STEAP3: variants seen among roughly 807,000 people sequenced by gnomAD.
The protein encoded by STEAP3 is metalloreductase STEAP3.
In STEAP3, 35 loss-of-function variants were observed where a neutral mutation model predicts 34.9. The observed-to-expected ratio is 1.00, with a 90% CI of 0.76 to 1.33. The LOEUF (loss-of-function observed/expected upper bound fraction) is 1.33. STEAP3 is among the 40% of genes most tolerant of loss of function. The pLI, the probability that STEAP3 is intolerant of heterozygous loss-of-function variation, is 0.00. For synonymous variants in STEAP3, 281 were observed against 301.6 expected (o/e 0.93, Z 0.71); for missense variants, 652 against 667.6 (o/e 0.98, Z 0.26).
chr2:119,239,733 C>A (rs548937997), intron 2 of STEAP3, among the ~76,000 whole-genome samples: 150 of 152,298 alleles, frequency 9.8e-4, no homozygotes, highest in Non-Finnish European at 1.0e-4. Flanking sequence ...AAGTCAGTAC[C>A]CTTGTCAGGA....
chr2:119,254,876 GC>G (rs1360117188), intron 5 of STEAP3, 28 bp downstream of exon 5: 1 of 1,607,804 alleles, frequency 6.2e-7, no homozygotes, highest in Non-Finnish European at 8.5e-7. Context: ...CTGCCAGCCA[GC>G]TTCAGCGTGG....
chr2:119,240,842 G>T (rs924587224), intron 2 of STEAP3, among the ~76,000 whole-genome samples: 1 of 152,122 alleles, frequency 6.6e-6, no homozygotes, highest in Non-Finnish European at 1.5e-5. Flanking sequence ...AGGGAGCCAG[G>T]GCCCAGACAG....
At position 119,245,718 on chromosome 2, in the gene STEAP3, G is replaced by C; in HGVS notation, c.252G>C (p.Val84=). The C allele has an allele frequency of 6.2e-7, 1 of 1,614,200 alleles. No individual in the cohort carries two copies. The highest frequency in any genetic ancestry group is 8.5e-7 in the Non-Finnish European group (1 of 1,180,044). ...TARLFPSAAQ[V]TFQEEAVSSP... is the part of the protein sequence containing the mutation. Reference sequence around the variant, plus strand: ...GGCTGTTTCCCTCAGCGGCCCAAGTGACTTTCCAAGAGGAGGCAGTGAGCT... The same window carrying C: ...GGCTGTTTCCCTCAGCGGCCCAAGTCACTTTCCAAGAGGAGGCAGTGAGCT... Residue 84 remains valine, a synonymous_variant, in exon 3 of 6, where the codon GTG becomes GTC. Transcript: ENST00000393110.
In STEAP3 at chr2:119,230,237, C is replaced by A. The variant is rs114472220; in HGVS notation, c.-393-383C>A. 9.6e-3 allele frequency among the ~76,000 whole-genome samples: 1,461 copies of A among 152,296 alleles called. 21 individuals are homozygous for A. Among genetic ancestry groups the A allele is most frequent in the African/African-American group, 0.031 (1,274 of 41,566 alleles). ...AAACCTCCAGCCTCCTTTGGGCTGC[C>A]GGTGTGGCCTCCAAGGTCCACTGAA... On this transcript the variant is annotated intron_variant, in intron 1 of 5. Coordinates refer to ENST00000393110, the MANE Select transcript of STEAP3 (RefSeq NM_182915.3).
At position 119,258,630 on chromosome 2, in the gene STEAP3, C is replaced by T. The variant is rs772717271; in HGVS notation, c.1215+3782C>T. On this transcript the variant is annotated intron_variant, in intron 5 of 5. Transcript: ENST00000393110. The stretch of plus-strand genomic sequence containing the variant: ...TTTTTTTTTTTTTTTTTTTTTGAGA[C>T]GGAGTCTCACTCCGTCACCCAGGCT... 1.0e-4 allele frequency among the ~76,000 whole-genome samples: 10 copies of T among 96,628 alleles called. No homozygotes were observed. In the East Asian group the frequency reaches 1.9e-3, roughly 18 times the overall value. 63.4% of individuals were successfully genotyped at this position (96,628 alleles called of 152,430 possible).
chr2:119,239,996 C>T (rs927138217), intron 2 of STEAP3, among the ~76,000 whole-genome samples: 2 of 152,072 alleles, frequency 1.3e-5, no homozygotes, highest in African/African-American at 4.8e-5. Flanking sequence ...ACATGTGCCC[C>T]TAAATGTAAT....
At chr2:119,262,531 C>T (rs766676618) in intron 5 of STEAP3, among the ~76,000 whole-genome samples, 1 of 152,158 alleles carries the variant, frequency 6.6e-6, no homozygotes, top group African/African-American at 2.4e-5. Flanking sequence ...CATGCTGCCA[C>T]AGCCTGGCTA....
intron 5 of STEAP3, among the ~76,000 whole-genome samples, chr2:119,255,131 C>T (rs1677739679): frequency 6.6e-6 from 1 of 152,178 alleles, no homozygotes; most frequent in African/African-American, 2.4e-5. Context: ...TCTCAAGCTT[C>T]TAGAATTCTT....
At chr2:119,252,415 A>T (rs1677652247) in intron 4 of STEAP3, among the ~76,000 whole-genome samples, 1 of 152,124 alleles carries the variant, frequency 6.6e-6, no homozygotes, top group African/African-American at 2.4e-5. Flanking sequence ...GCAGGCAGTG[A>T]GTTGGTACCA....
At chr2:119,237,565 G>A (rs369654470) in intron 2 of STEAP3, among the ~76,000 whole-genome samples, 1 of 152,062 alleles carries the variant, frequency 6.6e-6, no homozygotes, top group Non-Finnish European at 1.5e-5. Flanking sequence ...GTTTTTGGGG[G>A]ACAAACCTCC....
chr2:119,231,630 G>A (rs1676939412), intron 2 of STEAP3, among the ~76,000 whole-genome samples: 2 of 152,108 alleles, frequency 1.3e-5, no homozygotes, highest in Admixed American at 6.6e-5. Flanking sequence ...GACGAAACTT[G>A]CGCGCACGTG....
At chr2:119,258,597 ATTTTTTTTTTTT>A (rs57364767) in intron 5 of STEAP3, among the ~76,000 whole-genome samples, 13 of 69,970 alleles carry the variant, frequency 1.9e-4, no homozygotes, top group Middle Eastern at 0.011. Flanking sequence ...TCCTTTGGGT[ATTTTTTTTTTTT>A]TTTTTTTTTT....
intron 1 of STEAP3, among the ~76,000 whole-genome samples, chr2:119,225,920 T>C (rs1464766237): frequency 6.6e-6 from 1 of 152,288 alleles, no homozygotes; most frequent in East Asian, 1.9e-4. Context: ...GTTTTAGGAG[T>C]GCAGTAAATA....
intron 2 of STEAP3, 104 bp from the exon 3 acceptor site, chr2:119,245,385 T>G (rs1677380153): frequency 4.7e-6 from 7 of 1,482,416 alleles, no homozygotes; most frequent in Non-Finnish European, 6.3e-6. Flanking sequence ...ACCTGCTGGG[T>G]GAATGTCTGA....
At position 119,231,051 on chromosome 2, in the gene STEAP3, C is replaced by A. The variant is rs565109241; in HGVS notation, c.22+17C>A. On this transcript the variant is annotated intron_variant, in intron 2 of 5. Transcript: ENST00000393110. Reference sequence around the variant, plus strand: ...CTGCTGTTGGTAAGTCTGGCTAGGACGCAGATCCAAGGGGGCATGGGTCGT... The same window carrying A: ...CTGCTGTTGGTAAGTCTGGCTAGGAAGCAGATCCAAGGGGGCATGGGTCGT... 2.5e-6 allele frequency: 4 copies of A among 1,614,126 alleles called. No homozygotes were observed. Among genetic ancestry groups the A allele is most frequent in the Non-Finnish European group, 3.4e-6 (4 of 1,180,016 alleles).
chr2:119,224,456 C>A (rs1187011592), intron 1 of STEAP3, among the ~76,000 whole-genome samples: 1 of 152,234 alleles, frequency 6.6e-6, no homozygotes, highest in Non-Finnish European at 1.5e-5. Context: ...CCTTGCCTGG[C>A]AAAGTTCCCC....
chr2:119,256,738 A>G (rs142687821), intron 5 of STEAP3, among the ~76,000 whole-genome samples: 9 of 152,274 alleles, frequency 5.9e-5, no homozygotes, highest in Non-Finnish European at 7.4e-5. Context: ...CCAGATGTCA[A>G]TATGGAGGAG....
intron 2 of STEAP3, among the ~76,000 whole-genome samples, chr2:119,236,337 T>C (rs971674480): frequency 1.3e-5 from 2 of 152,186 alleles, no homozygotes; most frequent in Non-Finnish European, 2.9e-5. Context: ...GATGAGGAAA[T>C]GGGGCTCAGG....
At chr2:119,250,635 G>C (rs1677595991) in intron 4 of STEAP3, among the ~76,000 whole-genome samples, 2 of 152,094 alleles carry the variant, frequency 1.3e-5, no homozygotes, top group South Asian at 4.1e-4. Flanking sequence ...GGGAAAGACG[G>C]GGACGGTGCC....
Sources: gnomAD v4.1 joint callset for allele counts (sites outside exome capture counted in the v4.1 genomes callset) on GRCh38, gnomAD v4.1.1 for gene constraint, MANE v1.5 for transcripts, NCBI Gene and HGNC (gene_info 2026-07-23, HGNC 2026-07-21) for gene names.